The following DLGAP2 variants were observed in gnomAD, a reference collection of about 807,000 sequenced individuals.
The protein encoded by DLGAP2 is disks large-associated protein 2.
DLGAP2 carries 26 observed loss-of-function variants against 100.3 expected under a neutral mutation model. The observed-to-expected ratio is 0.26, with a 90% CI of 0.19 to 0.36. The LOEUF (loss-of-function observed/expected upper bound fraction) is 0.36. Among genes scored for constraint, DLGAP2 ranks in the 10% least tolerant of loss-of-function variants. The probability of loss-of-function intolerance (pLI) is 1.00; values close to 1 mark genes in which losing one functional copy is unlikely to be tolerated. For missense variants in DLGAP2, 1,858 were observed against 1,453.2 expected (o/e 1.28, Z -4.53); for synonymous variants, 886 against 630.1 (o/e 1.41, Z -6.08).
chr8:1,488,050 C>T (rs1270232553), intron 3 of DLGAP2, among the ~76,000 whole-genome samples: 2 of 152,158 alleles, frequency 1.3e-5, no homozygotes, highest in African/African-American at 4.8e-5. Context: ...TTGAGGAGGG[C>T]AGAGGTGTTG....
chr8:741,712 G>A (rs977884819), intron 1 of DLGAP2, among the ~76,000 whole-genome samples: 13 of 152,234 alleles, frequency 8.5e-5, no homozygotes, highest in African/African-American at 2.7e-4. Flanking sequence ...GCAGCAGCCA[G>A]CTCCCCTTAG....
chr8:923,971 T>C (rs574360248), intron 2 of DLGAP2, among the ~76,000 whole-genome samples: 2 of 152,308 alleles, frequency 1.3e-5, no homozygotes, highest in South Asian at 4.1e-4. Flanking sequence ...AGCTTAATGT[T>C]CTTAAGTTAA....
intron 13 of DLGAP2, among the ~76,000 whole-genome samples, chr8:1,692,962 C>T (rs1206115736): frequency 6.8e-6 from 1 of 147,702 alleles, no homozygotes; most frequent in Non-Finnish European, 1.5e-5. Context: ...CAGAAAAGCT[C>T]ATATATACAT....
At chr8:896,610 G>C (rs1017062795) in intron 1 of DLGAP2, among the ~76,000 whole-genome samples, 6 of 152,134 alleles carry the variant, frequency 3.9e-5, no homozygotes, top group African/African-American at 1.4e-4. Flanking sequence ...GTAGTCACGA[G>C]GGTGGGGCCC....
At chr8:1,165,834 A>G (rs983063377) in intron 2 of DLGAP2, among the ~76,000 whole-genome samples, 1 of 151,302 alleles carries the variant, frequency 6.6e-6, no homozygotes, top group African/African-American at 2.4e-5. Flanking sequence ...TTAAAAGCCT[A>G]ATTTTCCCAC....
chr8:1,458,369 T>C (rs767050947), intron 3 of DLGAP2, among the ~76,000 whole-genome samples: 8 of 152,200 alleles, frequency 5.3e-5, no homozygotes, highest in Non-Finnish European at 8.8e-5. Context: ...TACTGTGTTT[T>C]ATGCCTTCAG....
Position 1,206,572 on chromosome 8 carries a change from G to A in DLGAP2, c.74-52279G>A, listed in dbSNP as rs1200720777. Among the ~76,000 whole-genome samples, 282 of 47,874 alleles carry A rather than the reference G, an allele frequency of 5.9e-3. 52 individuals are homozygous for A. The highest frequency in any genetic ancestry group is 0.014 in the African/African-American group (85 of 6,098). The allele number at this position is 47,874 out of a possible 152,430, so 31.4% of individuals were successfully genotyped here. A position where few individuals can be genotyped will look rare whatever the true frequency, so the allele number is the denominator to read the frequency against. On this transcript the variant is annotated intron_variant, in intron 2 of 14. Coordinates refer to ENST00000637795, the MANE Select transcript of DLGAP2 (RefSeq NM_001346810.2). Reference sequence around the variant, plus strand: ...GCGGTTAATCTCCAGCCATCCGTGGGCGGGGGTAGACTGTGAGCAGTTAAT... The same window carrying A: ...GCGGTTAATCTCCAGCCATCCGTGGACGGGGGTAGACTGTGAGCAGTTAAT...
At chr8:1,012,731 GC>G (rs1234365388) in intron 2 of DLGAP2, among the ~76,000 whole-genome samples, 2 of 92,040 alleles carry the variant, frequency 2.2e-5, no homozygotes, top group Admixed American at 1.3e-4. Context: ...CGTCCGACCG[GC>G]CCCCCCACTT....
chr8:1,449,134 C>T (rs1584915184), intron 3 of DLGAP2, among the ~76,000 whole-genome samples: 2 of 152,182 alleles, frequency 1.3e-5, no homozygotes, highest in East Asian at 1.9e-4. Context: ...GTTCTCTTTC[C>T]TCTCATCTTC....
intron 1 of DLGAP2, among the ~76,000 whole-genome samples, chr8:881,192 G>C (rs548455297): frequency 1.4e-4 from 22 of 152,284 alleles, no homozygotes; most frequent in African/African-American, 5.3e-4. Flanking sequence ...ACCTAGGATA[G>C]GGATTTTTAC....
At chr8:890,054 C>G (rs1227217433) in intron 1 of DLGAP2, among the ~76,000 whole-genome samples, 1 of 152,156 alleles carries the variant, frequency 6.6e-6, no homozygotes, top group Non-Finnish European at 1.5e-5. Flanking sequence ...ACTGCTCTTC[C>G]TCCTCTCTGT....
chr8:1,079,776 G>C (rs1184629031), intron 2 of DLGAP2, among the ~76,000 whole-genome samples: 2 of 152,254 alleles, frequency 1.3e-5, no homozygotes, highest in African/African-American at 4.8e-5. Flanking sequence ...GTGTCTGCAA[G>C]ATGAGCCCAG....
intron 3 of DLGAP2, among the ~76,000 whole-genome samples, chr8:1,322,777 C>T (rs74588242): frequency 6.6e-6 from 1 of 152,248 alleles, no homozygotes; most frequent in Admixed American, 6.5e-5. Flanking sequence ...GCTCCTCCCC[C>T]CTGCATCAGG....
chr8:1,152,992 T>C (rs1796721578), intron 2 of DLGAP2, among the ~76,000 whole-genome samples: 1 of 152,230 alleles, frequency 6.6e-6, no homozygotes, highest in African/African-American at 2.4e-5. Flanking sequence ...TTCAAGCTAT[T>C]CTGTAGAAAT....
chr8:1,266,015 A>G (rs796396379), intron 3 of DLGAP2, among the ~76,000 whole-genome samples: 22 of 152,352 alleles, frequency 1.4e-4, no homozygotes, highest in African/African-American at 5.3e-4. Context: ...TATGCAAAGA[A>G]AAAAATGATT....
At chr8:1,514,476 A>G (rs1288295530) in intron 4 of DLGAP2, among the ~76,000 whole-genome samples, 1 of 152,250 alleles carries the variant, frequency 6.6e-6, no homozygotes, top group Non-Finnish European at 1.5e-5. Flanking sequence ...GCGAGAAAAT[A>G]TTGTGTTGGA....
chr8:879,433 C>T (rs1797743691), intron 1 of DLGAP2, among the ~76,000 whole-genome samples: 1 of 152,220 alleles, frequency 6.6e-6, no homozygotes, highest in Non-Finnish European at 1.5e-5. Flanking sequence ...GCAGGTGTCA[C>T]TTTCCCCAGG....
intron 2 of DLGAP2, among the ~76,000 whole-genome samples, chr8:960,230 A>G: frequency 4.4e-5 from 1 of 22,798 alleles, no homozygotes; most frequent in African/African-American, 1.7e-4. Flanking sequence ...TTATTCCTGA[A>G]GTATATCTTT....
At chr8:1,410,650 C>T (rs150802896) in intron 3 of DLGAP2, among the ~76,000 whole-genome samples, 3 of 152,308 alleles carry the variant, frequency 2.0e-5, no homozygotes, top group African/African-American at 7.2e-5. Flanking sequence ...TATGAAGAGG[C>T]AGCAGCACAT....
Sources: gnomAD v4.1 joint callset for allele counts (sites outside exome capture counted in the v4.1 genomes callset) on GRCh38, gnomAD v4.1.1 for gene constraint, MANE v1.5 for transcripts, NCBI Gene and HGNC (gene_info 2026-07-23, HGNC 2026-07-21) for gene names.